The following SERINC5 variants were observed in gnomAD, a reference collection of about 807,000 sequenced individuals.
The protein encoded by SERINC5 is serine incorporator 5, also known as chromosome 5 open reading frame 12.
In SERINC5, 41 loss-of-function variants were observed where a neutral mutation model predicts 63.1. The observed-to-expected ratio is 0.65, with a 90% CI of 0.51 to 0.84. The LOEUF (loss-of-function observed/expected upper bound fraction) is 0.84, where lower values mean the gene tolerates loss of function less well. Among genes scored for constraint, SERINC5 ranks in the 40% least tolerant of loss-of-function variants. The probability of loss-of-function intolerance (pLI) is 0.00; values close to 1 mark genes in which losing one functional copy is unlikely to be tolerated. For synonymous variants in SERINC5, 222 were observed against 215.2 expected (o/e 1.03, Z -0.28); for missense variants, 523 against 573.0 (o/e 0.91, Z 0.89).
intron 11 of SERINC5, among the ~76,000 whole-genome samples, chr5:80,130,542 T>A (rs937542963): frequency 2.0e-5 from 3 of 152,200 alleles, no homozygotes. Flanking sequence ...AACCTTGATA[T>A]AATTTGTTTT....
chr5:80,125,377 C>T (rs535759412), intron 11 of SERINC5, among the ~76,000 whole-genome samples: 39 of 152,132 alleles, frequency 2.6e-4, no homozygotes, highest in African/African-American at 8.9e-4. Flanking sequence ...GCATGCTGCC[C>T]GAAATGAACC....
At chr5:80,168,203 T>C (rs1184211430) in intron 6 of SERINC5, among the ~76,000 whole-genome samples, 1 of 146,724 alleles carries the variant, frequency 6.8e-6, no homozygotes. Flanking sequence ...ACTAGTTGCC[T>C]TTTTTTTTTT....
intron 1 of SERINC5, among the ~76,000 whole-genome samples, chr5:80,226,894 A>G (rs1027989086): frequency 3.9e-5 from 6 of 152,148 alleles, no homozygotes; most frequent in Non-Finnish European, 7.4e-5. Context: ...TTTTTGGCAT[A>G]ATATGCCCTA....
At chr5:80,124,530 A>G (rs1475733475) in intron 11 of SERINC5, among the ~76,000 whole-genome samples, 1 of 152,146 alleles carries the variant, frequency 6.6e-6, no homozygotes, top group Admixed American at 6.5e-5. Flanking sequence ...GCTTAAATAC[A>G]AGGAAATTTC....
intron 1 of SERINC5, among the ~76,000 whole-genome samples, chr5:80,240,702 C>G (rs1352718430): frequency 6.6e-6 from 1 of 152,178 alleles, no homozygotes; most frequent in Non-Finnish European, 1.5e-5. Context: ...TATCCCTCTG[C>G]TGCCCAGGCT....
intron 1 of SERINC5, among the ~76,000 whole-genome samples, chr5:80,251,604 C>T (rs1752425255): frequency 6.6e-6 from 1 of 151,986 alleles, no homozygotes; most frequent in South Asian, 2.1e-4. Context: ...GTGGCAAGTG[C>T]CTGTAATCCC....
chr5:80,166,427 G>A lies in SERINC5; in HGVS notation c.815C>T (p.Thr272Ile). ...GGACAGAGCTGAGAAGGTGAGGTAG[G>A]TGACATAGCAGCTTATGACCCCTGA... ...LQSGVISCYV[T>I]YLTFSALSSK... The change falls in exon 7 of 12, where the codon ACC (threonine) becomes ATC (isoleucine). Residue 272 changes from threonine to isoleucine, a missense_variant. Physicochemically the swap from Thr to Ile is moderately conservative, Grantham distance 89. Coordinates refer to ENST00000507668, the MANE Select transcript of SERINC5 (RefSeq NM_001174072.3). 6.3e-7 allele frequency: 1 copy of A among 1,596,294 alleles called. No individual in the cohort carries two copies. Among genetic ancestry groups the A allele is most frequent in the Non-Finnish European group, 8.5e-7 (1 of 1,171,344 alleles).
At chr5:80,173,268 A>C (rs1747789777) in intron 5 of SERINC5, among the ~76,000 whole-genome samples, 1 of 151,112 alleles carries the variant, frequency 6.6e-6, no homozygotes, top group Non-Finnish European at 1.5e-5. Flanking sequence ...GAAGGAAGGA[A>C]GGAAGGAAGG....
At chr5:80,126,616 A>T (rs952694673) in intron 11 of SERINC5, among the ~76,000 whole-genome samples, 1 of 152,220 alleles carries the variant, frequency 6.6e-6, no homozygotes, top group African/African-American at 2.4e-5. Flanking sequence ...ATGTTGTGAG[A>T]TGTATTTTTC....
In SERINC5 at chr5:80,142,265, A is replaced by T; in HGVS notation, c.*1398T>A. ...AAGTCACGTTTCTGTATTACTTTGC[A>T]AGTACGTATTTTGGAAATTCCTGTG... On this transcript the variant is annotated 3_prime_UTR_variant, in exon 12 of 12. Transcript: ENST00000507668. The T allele has an allele frequency of 2.0e-6, 2 of 985,428 alleles. No homozygotes were observed. The highest frequency in any genetic ancestry group is 2.4e-6 in the Non-Finnish European group (2 of 829,938). 61.0% of individuals were successfully genotyped at this position (985,428 alleles called of 1,614,324 possible).
intron 1 of SERINC5, 200 bp from the exon 2 acceptor site, chr5:80,203,253 T>TAC (rs768785966): frequency 7.3e-5 from 25 of 342,416 alleles, no homozygotes; most frequent in Middle Eastern, 1.7e-3. Flanking sequence ...TAAATATATA[T>TAC]ACACATATAT....
At chr5:80,230,459 A>AAAAAAAAAATAAAG (rs70982042) in intron 1 of SERINC5, among the ~76,000 whole-genome samples, 1 of 128,630 alleles carries the variant, frequency 7.8e-6, no homozygotes, top group African/African-American at 3.1e-5. Flanking sequence ...AAAAAAAAAA[A>AAAAAAAAAATAAAG]AAAGAAACCA....
In SERINC5 at chr5:80,139,596, A is replaced by AAGAGAGAG. The variant is rs11267118; in HGVS notation, c.*4059_*4066dup. 171 of 964,780 alleles carry AAGAGAGAG rather than the reference A, an allele frequency of 1.8e-4. No individual in the cohort carries two copies. The highest frequency in any genetic ancestry group is 2.4e-4 in the South Asian group (5 of 20,806). 59.8% of individuals were successfully genotyped at this position (964,780 alleles called of 1,614,324 possible). Reference sequence around the variant, plus strand: ...TGAAAGAGTTGTTGAGAAAGAAGAAAAGAGAGAGAGAGAGAAAGGTCTAAA... The same window carrying AAGAGAGAG: ...TGAAAGAGTTGTTGAGAAAGAAGAAAAGAGAGAGAGAGAGAGAGAGAGAAAGGTCTAAA... On this transcript the variant is annotated 3_prime_UTR_variant, in exon 12 of 12. Coordinates refer to ENST00000507668, the MANE Select transcript of SERINC5 (RefSeq NM_001174072.3).
chr5:80,169,948 T>C (rs896502613), intron 5 of SERINC5, among the ~76,000 whole-genome samples: 1 of 152,218 alleles, frequency 6.6e-6, no homozygotes, highest in South Asian at 2.1e-4. Context: ...CTGTGGCTGG[T>C]GCTCCCAAAG....
chr5:80,205,840 G>A (rs1261110723), intron 1 of SERINC5, among the ~76,000 whole-genome samples: 2 of 152,074 alleles, frequency 1.3e-5, no homozygotes, highest in African/African-American at 2.4e-5. Flanking sequence ...GGCCAAGGCA[G>A]GCGGATCGTG....
At chr5:80,113,358 T>C (rs926924944) in intron 12 of SERINC5, among the ~76,000 whole-genome samples, 1 of 152,208 alleles carries the variant, frequency 6.6e-6, no homozygotes, top group African/African-American at 2.4e-5. Context: ...CTAGTCTGCA[T>C]TCTGCTTGAC....
At chr5:80,254,469 T>C (rs1161109934) in intron 1 of SERINC5, among the ~76,000 whole-genome samples, 2 of 152,118 alleles carry the variant, frequency 1.3e-5, no homozygotes, top group African/African-American at 4.8e-5. Context: ...AGCTCTAAAT[T>C]AGGAACTTGG....
intron 5 of SERINC5, among the ~76,000 whole-genome samples, chr5:80,173,616 A>G (rs1015975137): frequency 1.3e-5 from 2 of 151,944 alleles, no homozygotes; most frequent in Non-Finnish European, 2.9e-5. Flanking sequence ...AAAAGAAAAG[A>G]AAAGAACAAA....
chr5:80,232,322 A>T (rs576955815), intron 1 of SERINC5, among the ~76,000 whole-genome samples: 14 of 151,848 alleles, frequency 9.2e-5, no homozygotes, highest in South Asian at 8.3e-4. Flanking sequence ...GAGAATGGCA[A>T]GAACCCGGGA....
Sources: gnomAD v4.1 joint callset for allele counts (sites outside exome capture counted in the v4.1 genomes callset) on GRCh38, gnomAD v4.1.1 for gene constraint, MANE v1.5 for transcripts, NCBI Gene and HGNC (gene_info 2026-07-23, HGNC 2026-07-21) for gene names.